The following CACNA1F variants were observed in gnomAD, a reference collection of about 807,000 sequenced individuals.
The protein encoded by CACNA1F is voltage-dependent L-type calcium channel subunit alpha-1F.
Under a neutral mutation model 143.8 loss-of-function variants are expected in CACNA1F, and 59 were observed. The observed-to-expected ratio is 0.41, with a 90% CI of 0.33 to 0.51. The LOEUF (loss-of-function observed/expected upper bound fraction) is 0.51. Among genes scored for constraint, CACNA1F ranks in the 20% least tolerant of loss-of-function variants. The probability of loss-of-function intolerance (pLI) is 0.22; values close to 1 mark genes in which losing one functional copy is unlikely to be tolerated. For synonymous variants in CACNA1F, 643 were observed against 649.1 expected (o/e 0.99, Z 0.14); for missense variants, 1,411 against 1,647.5 (o/e 0.86, Z 2.48).
rs782088470 is a variant in CACNA1F, at chrX:49,217,967, G to A, written c.2967C>T (p.Ile989=). Residue 989 remains isoleucine, a synonymous_variant, in exon 25 of 48, where the codon ATC becomes ATT. Transcript: ENST00000323022. ...VQCVFVAIRT[I]GNIMIVTTLL... ...GTGTGGTGACAATCATGATGTTTCC[G>A]ATGGTCCGGATGGCCACAAATACAC... is the stretch of plus-strand genomic sequence containing the variant. The A allele has an allele frequency of 2.7e-5, 33 of 1,208,237 alleles. No homozygotes were observed. The Middle Eastern group carries it at 6.9e-4, about 25-fold the overall frequency.
chrX:49,229,504 T>C (rs1342254934), intron 6 of CACNA1F, among the ~76,000 whole-genome samples: 1 of 112,475 alleles, frequency 8.9e-6, no homozygotes, highest in African/African-American at 3.2e-5. Context: ...TTTTGGAGAC[T>C]GGATCTCACT....
In CACNA1F at chrX:49,206,842, C is replaced by G; in HGVS notation, c.5245G>C (p.Asp1749His). ...EEVPDRLSYL[D>H]EQAGTPPCSV... The stretch of plus-strand genomic sequence containing the variant: ...CACGGGGGAGTCCCTGCCTGCTCAT[C>G]TAGGTAGGAAAGCCTGTGTGGGTGG... The change falls in exon 45 of 48, where the codon GAT becomes CAT. Residue 1749 changes from aspartate to histidine, a missense_variant. Physicochemically the swap from Asp to His is moderately conservative, Grantham distance 81. Coordinates refer to ENST00000323022, the MANE Select transcript of CACNA1F (RefSeq NM_001256789.3). 5.0e-6 allele frequency: 6 copies of G among 1,197,738 alleles called. No homozygotes were observed. The highest frequency in any genetic ancestry group is 6.8e-6 in the Non-Finnish European group (6 of 885,506).
chrX:49,231,897 C>A lies in CACNA1F; in HGVS notation c.56G>T (p.Gly19Val). 8.5e-7 allele frequency: 1 copy of A among 1,179,348 alleles called. No individual in the cohort carries two copies. Among genetic ancestry groups the A allele is most frequent in the Non-Finnish European group, 1.1e-6 (1 of 879,036 alleles). The change falls in exon 2 of 48, where the codon GGG (glycine) becomes GTG (valine). Residue 19 changes from glycine to valine, a missense_variant. This residue lies in a region of CACNA1F where 950 missense variants were observed against 1,128.1 expected (regional missense o/e 0.84). Coordinates refer to ENST00000323022, the MANE Select transcript of CACNA1F (RefSeq NM_001256789.3). ...DTTPEPSPANGAGPGPEWGLC... is the reference protein window; with the variant it reads ...DTTPEPSPANVAGPGPEWGLC... ...CCCCCATTCGGGACCAGGGCCTGCC[C>A]CATTGGCTGGACTGGGCTCTGGGGT...
intron 29 of CACNA1F, among the ~76,000 whole-genome samples, chrX:49,214,524 G>T (rs1252919029): frequency 8.9e-6 from 1 of 112,234 alleles, no homozygotes; most frequent in Non-Finnish European, 1.9e-5. Flanking sequence ...TTAGCAGCTT[G>T]TGTAAAAAAA....
chrX:49,212,834 T>A (rs1326545569), intron 32 of CACNA1F, 39 bp from the exon 33 acceptor site: 12 of 1,200,423 alleles, frequency 1.0e-5, no homozygotes, highest in Non-Finnish European at 1.3e-5. Flanking sequence ...CAGTTTGCAT[T>A]TACTCCAGCT....
In CACNA1F at chrX:49,223,153, AG is replaced by A. The variant is rs782341371; in HGVS notation, c.1878-18del. The stretch of plus-strand genomic sequence containing the variant: ...GCCCAGTGTCTGCAGCAGAAATGGG[AG>A]GGGGCAGGGTCGATGCCATGTCCAC... On this transcript the variant is annotated intron_variant, in intron 14 of 47. Coordinates refer to ENST00000323022, the MANE Select transcript of CACNA1F (RefSeq NM_001256789.3). The A allele has an allele frequency of 9.1e-6, 10 of 1,104,607 alleles. No individual in the cohort carries two copies. The African/African-American group carries it at 1.1e-4, about 12-fold the overall frequency. The allele number at this position is 1,104,607 out of a possible 1,213,427, so 91.0% of individuals were successfully genotyped here.
rs2065822412 is a variant in CACNA1F, at chrX:49,226,201, A to T, written c.1490+16T>A. 1 of 1,201,657 alleles carries T rather than the reference A, an allele frequency of 8.3e-7. No homozygotes were observed. The highest frequency in any genetic ancestry group is 1.1e-6 in the Non-Finnish European group (1 of 886,347). ...AAGTTATGGAGTCAAGGATTTGCAC[A>T]ACTTTCCCAACTCACCAGACTCTGG... On this transcript the variant is annotated intron_variant, in intron 12 of 47. Coordinates refer to ENST00000323022, the MANE Select transcript of CACNA1F (RefSeq NM_001256789.3).
rs1557108278 is a variant in CACNA1F at position 49,219,392 on chromosome X, C to T, written c.2602G>A (p.Val868Met). Residue 868 changes from valine to methionine, a missense_variant, in exon 21 of 48, where the codon GTG becomes ATG. This residue lies in a region of CACNA1F where 950 missense variants were observed against 1,128.1 expected (regional missense o/e 0.84). Coordinates refer to ENST00000323022, the MANE Select transcript of CACNA1F (RefSeq NM_001256789.3). ...GACACACTGCTGAGGATGATGAACA[C>T]CAGGATAAGATTGGTGAAGACATGA... ...HHHVFTNLIL[V>M]FIILSSVSLA... 1 of 1,208,961 alleles carries T rather than the reference C, an allele frequency of 8.3e-7. No homozygotes were observed. Among genetic ancestry groups the T allele is most frequent in the East Asian group, 3.0e-5 (1 of 33,795 alleles).
At chrX:49,233,203 G>T in intron 1 of CACNA1F, 82 bp downstream of exon 1, 2 of 1,025,239 alleles carry the variant, frequency 2.0e-6, no homozygotes, top group Non-Finnish European at 2.7e-6. Flanking sequence ...CTCTCTGGGG[G>T]TGGGGTCTGG....
intron 1 of CACNA1F, among the ~76,000 whole-genome samples, chrX:49,232,732 G>A (rs1408539768): frequency 8.9e-6 from 1 of 111,734 alleles, no homozygotes; most frequent in Non-Finnish European, 1.9e-5. Flanking sequence ...GTGGCTGAAT[G>A]GGGAGTCACA....
intron 9 of CACNA1F, 108 bp downstream of exon 9, chrX:49,226,862 C>T: frequency 9.2e-7 from 1 of 1,091,624 alleles, no homozygotes; most frequent in Non-Finnish European, 1.3e-6. Context: ...TGTTGCAGAT[C>T]AGGCCTGGGT....
chrX:49,226,774 T>C (rs1350553177), intron 9 of CACNA1F, 72 bp from the exon 10 acceptor site: 1 of 1,010,127 alleles, frequency 9.9e-7, no homozygotes. Flanking sequence ...AGGGTAGGGG[T>C]GTCATTTGGA....
At position 49,224,632 on chromosome X, in the gene CACNA1F, G is replaced by A. The variant is rs1557109429; in HGVS notation, c.1877+129C>T. The A allele has an allele frequency of 9.5e-6, 5 of 528,458 alleles. No individual in the cohort carries two copies. The South Asian group carries it at 1.0e-4, about 11-fold the overall frequency. 43.6% of individuals were successfully genotyped at this position (528,458 alleles called of 1,213,427 possible). On this transcript the variant is annotated intron_variant, in intron 14 of 47. Transcript: ENST00000323022. Reference sequence around the variant, plus strand: ...TCCCTAGGGCTTGGTAGGGTGCCTGGCACACAGCAGGCACTCAATGGATGT... The same window carrying A: ...TCCCTAGGGCTTGGTAGGGTGCCTGACACACAGCAGGCACTCAATGGATGT...
chrX:49,212,216 G>A (rs782432037), intron 34 of CACNA1F, 27 bp downstream of exon 34: 1 of 1,166,264 alleles, frequency 8.6e-7, no homozygotes, highest in Admixed American at 2.2e-5. Context: ...GAGTGCTTAA[G>A]GGATGCTTCC....
rs782442179 is a variant in CACNA1F at position 49,230,564 on chromosome X, G to A, written c.567C>T (p.Asp189=). The part of the protein sequence containing the change: ...LLEQGPGRPG[D]APHTGGKPGG... ...CTGGCTTTCCCCCGGTGTGCGGGGC[G>A]TCGCCTGGCCGTCCGGGGCCCTGCT... Residue 189 remains aspartate (D), a synonymous_variant, in exon 5 of 48, where the codon GAC becomes GAT. Transcript: ENST00000323022. 1.3e-5 allele frequency: 15 copies of A among 1,178,460 alleles called. No homozygotes were observed. The Middle Eastern group carries it at 1.3e-3, about 99-fold the overall frequency.
At chrX:49,232,152 G>A (rs34275725) in intron 1 of CACNA1F, among the ~76,000 whole-genome samples, 1 of 111,550 alleles carries the variant, frequency 9.0e-6, no homozygotes, top group African/African-American at 3.3e-5. Context: ...AAGTGAAGTA[G>A]GGTTTGGTGT....
intron 34 of CACNA1F, 125 bp from the exon 35 acceptor site, chrX:49,212,114 G>T: frequency 1.3e-6 from 1 of 777,508 alleles, no homozygotes; most frequent in Non-Finnish European, 2.0e-6. Context: ...TCATTTCACA[G>T]ATGTGTAGAT....
At position 49,205,276 on chromosome X, in the gene CACNA1F, G is replaced by A. The variant is rs782460359; in HGVS notation, c.5762C>T (p.Thr1921Met). The change falls in exon 48 of 48, where the codon ACG becomes ATG. Residue 1921 changes from threonine (T) to methionine (M), a missense_variant. Thr to Met is a moderately conservative substitution (Grantham distance 81). Around this residue, in one of 3 missense-constraint regions of CACNA1F, gnomAD observed 349 missense variants for 350.2 expected, o/e 1.00. Coordinates refer to ENST00000323022, the MANE Select transcript of CACNA1F (RefSeq NM_001256789.3). The stretch of plus-strand genomic sequence containing the variant: ...GGCAGCATTGTCCATCTCATCCAGC[G>A]TCAGGCGACACGCATCTGCAATCTC... ...KQEIADACRL[T>M]LDEMDNAASD... 1.2e-5 allele frequency: 14 copies of A among 1,207,510 alleles called. No homozygotes were observed. Among genetic ancestry groups the A allele is most frequent in the African/African-American group, 1.8e-5 (1 of 56,806 alleles).
chrX:49,213,802 G>A lies in CACNA1F; in HGVS notation c.3792+17C>T. 8.8e-7 allele frequency: 1 copy of A among 1,134,940 alleles called. No homozygotes were observed. Among genetic ancestry groups the A allele is most frequent in the Non-Finnish European group, 1.2e-6 (1 of 825,378 alleles). 93.5% of individuals were successfully genotyped at this position (1,134,940 alleles called of 1,213,427 possible). On this transcript the variant is annotated intron_variant, in intron 31 of 47. Coordinates refer to ENST00000323022, the MANE Select transcript of CACNA1F (RefSeq NM_001256789.3). ...TGTATAGGGCGAGAGTGGATTAGTG[G>A]AAAGGCCAGTTCTCACATTGACTTC...
Sources: allele counts gnomAD v4.1 joint callset (sites outside exome capture counted in the v4.1 genomes callset), GRCh38; gene constraint gnomAD v4.1.1; regional missense constraint gnomAD v4.1.1; transcripts MANE v1.5; gene names NCBI Gene and HGNC (gene_info 2026-07-23, HGNC 2026-07-21).